LNP1: variants seen among roughly 807,000 people sequenced by gnomAD.
LNP1 encodes the protein leukemia NUP98 fusion partner 1.
LNP1 carries 12 observed loss-of-function variants against 14.5 expected under a neutral mutation model. That is an observed-to-expected ratio of 0.83 (90% CI 0.53 to 1.34). The LOEUF (loss-of-function observed/expected upper bound fraction) is 1.34. LNP1 is among the 40% of genes most tolerant of loss of function. The pLI, the probability that LNP1 is intolerant of heterozygous loss-of-function variation, is 0.00. For missense variants in LNP1, 198 were observed against 210.9 expected (o/e 0.94, Z 0.38); for synonymous variants, 75 against 71.4 (o/e 1.05, Z -0.26).
At chr3:100,425,963 A>G (rs1018039270) in intron 1 of LNP1, among the ~76,000 whole-genome samples, 2 of 152,318 alleles carry the variant, frequency 1.3e-5, no homozygotes, top group Admixed American at 1.3e-4. Context: ...CCATCATTGC[A>G]AATTTCAAAA....
Position 100,409,414 on chromosome 3 carries a change from G to A in LNP1, c.-34+6975G>A, listed in dbSNP as rs1707004663. Among the ~76,000 whole-genome samples the A allele has an allele frequency of 2.6e-5, 4 of 151,788 alleles. No individual in the cohort carries two copies. The South Asian group carries it at 8.3e-4, about 32-fold the overall frequency. On this transcript the variant is annotated intron_variant, in intron 1 of 3. Coordinates refer to ENST00000383693, the MANE Select transcript of LNP1 (RefSeq NM_001085451.2). ...AATCCCAGCACTTTGGGAGGCTGAG[G>A]CGGGTTGATCATGAGGTCAGGAGTT... is the stretch of plus-strand genomic sequence containing the variant.
chr3:100,435,433 G>A (rs1175935030), intron 2 of LNP1, among the ~76,000 whole-genome samples: 2 of 152,204 alleles, frequency 1.3e-5, no homozygotes, highest in Non-Finnish European at 2.9e-5. Flanking sequence ...TAAAGGTGCT[G>A]TGAATATTCA....
intron 1 of LNP1, among the ~76,000 whole-genome samples, chr3:100,406,147 A>G (rs148761495): frequency 6.6e-6 from 1 of 152,126 alleles, no homozygotes; most frequent in East Asian, 1.9e-4. Flanking sequence ...TTAGCCGGGC[A>G]TGGTGGCACA....
At chr3:100,451,665 G>A (rs1707438726) in intron 2 of LNP1, 54 bp from the exon 3 acceptor site, 1 of 560,380 alleles carries the variant, frequency 1.8e-6, no homozygotes, top group Admixed American at 3.1e-5. Flanking sequence ...CTGCCTCTGT[G>A]CTAACATTGC....
rs977856346 is a variant in LNP1 at position 100,455,635 on chromosome 3, T to C, written c.388-142T>C. On this transcript the variant is annotated intron_variant, in intron 3 of 3. Coordinates refer to ENST00000383693, the MANE Select transcript of LNP1 (RefSeq NM_001085451.2). ...GAAACCTTTAGCAACATCCTTAGGT[T>C]TATGCTAATTTATTTCTAGAAACCA... is the stretch of plus-strand genomic sequence containing the variant. 1.0e-4 allele frequency: 79 copies of C among 773,760 alleles called. No homozygotes were observed. In the South Asian group the frequency reaches 1.3e-3, roughly 13 times the overall value. The allele number at this position is 773,760 out of a possible 1,614,324, so 47.9% of individuals were successfully genotyped here. A position where few individuals can be genotyped will look rare whatever the true frequency, so the allele number is the denominator to read the frequency against.
In LNP1 at chr3:100,451,879, C is replaced by A. The variant is rs1392580893; in HGVS notation, c.317C>A (p.Ser106Tyr). 4 of 1,366,572 alleles carry A rather than the reference C, an allele frequency of 2.9e-6. No homozygotes were observed. The African/African-American group carries it at 7.0e-5, about 24-fold the overall frequency. 84.7% of individuals were successfully genotyped at this position (1,366,572 alleles called of 1,614,324 possible). ...EPLESKGRSH[S>Y]KIEKFSESFE... ...CTGGAATCAAAAGGAAGATCCCATT[C>A]CAAAATTGAGAAATTTTCAGAGTCC... is the stretch of plus-strand genomic sequence containing the variant. Residue 106 changes from serine (S) to tyrosine (Y), a missense_variant, in exon 3 of 4, where the codon TCC becomes TAC. By Grantham distance (144) the Ser-to-Tyr change is moderately radical (BLOSUM62 -2). Transcript: ENST00000383693.
intron 1 of LNP1, among the ~76,000 whole-genome samples, chr3:100,424,521 T>C (rs1238783401): frequency 2.0e-5 from 3 of 152,164 alleles, no homozygotes; most frequent in East Asian, 1.9e-4. Context: ...GGAGGCTCAA[T>C]AGAGACTCAG....
chr3:100,417,709 C>CT (rs762734948), intron 1 of LNP1, among the ~76,000 whole-genome samples: 1 of 151,942 alleles, frequency 6.6e-6, no homozygotes, highest in Admixed American at 6.6e-5. Flanking sequence ...AGTTTTAAAT[C>CT]TTTTTTTCTT....
chr3:100,455,503 A>G (rs1707501651), intron 3 of LNP1, among the ~76,000 whole-genome samples: 1 of 152,104 alleles, frequency 6.6e-6, no homozygotes, highest in African/African-American at 2.4e-5. Context: ...ATGAAATCAC[A>G]CCCCTCAGTA....
At chr3:100,436,637 G>A (rs1707297202) in intron 2 of LNP1, among the ~76,000 whole-genome samples, 1 of 151,914 alleles carries the variant, frequency 6.6e-6, no homozygotes, top group African/African-American at 2.4e-5. Flanking sequence ...TGTCTTTTAT[G>A]TTTCTCTTTT....
At chr3:100,449,733 T>A (rs555898328) in intron 2 of LNP1, among the ~76,000 whole-genome samples, 29 of 152,262 alleles carry the variant, frequency 1.9e-4, no homozygotes, top group Admixed American at 1.0e-3. Context: ...CACACACATC[T>A]TGAATGTTAG....
At chr3:100,448,679 G>A (rs916699028) in intron 2 of LNP1, among the ~76,000 whole-genome samples, 12 of 152,032 alleles carry the variant, frequency 7.9e-5, no homozygotes, top group Non-Finnish European at 7.4e-5. Flanking sequence ...AGTTGAAAAC[G>A]CATTTGACTA....
chr3:100,415,330 T>C (rs920297642), intron 1 of LNP1, among the ~76,000 whole-genome samples: 3 of 152,132 alleles, frequency 2.0e-5, no homozygotes, highest in Admixed American at 1.3e-4. Context: ...GAGCAAAGGA[T>C]ATAAACAAGC....
rs1186370719 is a variant in LNP1, at chr3:100,455,837, C to G, written c.448C>G (p.Arg150Gly). Reference sequence around the variant, plus strand: ...ATGCCTGAGGATGGAGATAAAATCCCGAAAGAAAGTAGAGGAAGAAAGGAG... The same window carrying G: ...ATGCCTGAGGATGGAGATAAAATCCGGAAAGAAAGTAGAGGAAGAAAGGAG... Reference protein sequence around the residue: ...RECLRMEIKSRKKVEEERSSR... With the variant: ...RECLRMEIKSGKKVEEERSSR... The change falls in exon 4 of 4, where the codon CGA becomes GGA. Residue 150 changes from arginine (R) to glycine (G), a missense_variant. Coordinates refer to ENST00000383693, the MANE Select transcript of LNP1 (RefSeq NM_001085451.2). 1.2e-6 allele frequency: 2 copies of G among 1,613,772 alleles called. No individual in the cohort carries two copies. Among genetic ancestry groups the G allele is most frequent in the African/African-American group, 1.3e-5 (1 of 74,950 alleles).
At chr3:100,447,433 A>G (rs1381464578) in intron 2 of LNP1, among the ~76,000 whole-genome samples, 1 of 151,958 alleles carries the variant, frequency 6.6e-6, no homozygotes, top group Non-Finnish European at 1.5e-5. Context: ...GGAACATCAC[A>G]TACTGGGGCC....
intron 1 of LNP1, among the ~76,000 whole-genome samples, 200 bp downstream of exon 1, chr3:100,402,639 T>C (rs1706922743): frequency 6.7e-6 from 1 of 149,462 alleles, no homozygotes; most frequent in South Asian, 2.1e-4. Context: ...GAACACAAGT[T>C]AGGATTTTTT....
intron 1 of LNP1, among the ~76,000 whole-genome samples, chr3:100,417,204 C>T (rs1165813492): frequency 6.6e-6 from 1 of 151,988 alleles, no homozygotes; most frequent in Non-Finnish European, 1.5e-5. Context: ...ATAACTCATG[C>T]TGTCTATTAC....
At chr3:100,431,027 T>G (rs985389143) in intron 2 of LNP1, among the ~76,000 whole-genome samples, 2 of 152,254 alleles carry the variant, frequency 1.3e-5, no homozygotes, top group African/African-American at 4.8e-5. Flanking sequence ...AATAAACACC[T>G]GCTTATTGCC....
At chr3:100,448,704 C>T (rs755556810) in intron 2 of LNP1, among the ~76,000 whole-genome samples, 2 of 151,920 alleles carry the variant, frequency 1.3e-5, no homozygotes, top group African/African-American at 2.4e-5. Context: ...TTTCTTTTTT[C>T]CTGATAAAGT....
Sources: allele counts gnomAD v4.1 joint callset (sites outside exome capture counted in the v4.1 genomes callset), GRCh38; gene constraint gnomAD v4.1.1; transcripts MANE v1.5; gene names NCBI Gene and HGNC (gene_info 2026-07-23, HGNC 2026-07-21).